Variants in PSD3 observed in about 807,000 individuals in gnomAD.
PSD3 encodes the protein PH and SEC7 domain-containing protein 3.
A neutral mutation model predicts 105.5 loss-of-function variants in PSD3; 49 were observed. The ratio of observed to expected loss-of-function variants is 0.46; its 90% CI spans 0.37 to 0.59. The LOEUF (loss-of-function observed/expected upper bound fraction) is 0.59, where lower values mean the gene tolerates loss of function less well. Among genes scored for constraint, PSD3 ranks in the 20% least tolerant of loss-of-function variants. The pLI, the probability that PSD3 is intolerant of heterozygous loss-of-function variation, is 0.00. For missense variants in PSD3, 1,561 were observed against 1,263.8 expected, an observed-to-expected ratio of 1.24 and a Z score of -3.57; for synonymous variants, 557 against 457.8, an observed-to-expected ratio of 1.22 and a Z score of -2.77.
intron 4 of PSD3, among the ~76,000 whole-genome samples, chr8:18,830,752 G>A (rs901354821): frequency 6.6e-6 from 1 of 152,170 alleles, no homozygotes; most frequent in Non-Finnish European, 1.5e-5. Flanking sequence ...TGGCTGCACT[G>A]CTCCCACTGC....
intron 1 of PSD3, among the ~76,000 whole-genome samples, chr8:19,020,566 G>T (rs1055845544): frequency 6.6e-6 from 1 of 152,070 alleles, no homozygotes. Context: ...ATTTTGAGCA[G>T]AGGGGTAGGA....
intron 15 of PSD3, among the ~76,000 whole-genome samples, chr8:18,542,033 G>A (rs1269793491): frequency 6.6e-6 from 1 of 152,110 alleles, no homozygotes; most frequent in Admixed American, 6.5e-5. Context: ...GATTACAGGG[G>A]CGAGCCACCT....
chr8:18,613,197 C>A (rs113110097), intron 11 of PSD3, among the ~76,000 whole-genome samples: 107 of 152,262 alleles, frequency 7.0e-4, no homozygotes, highest in Non-Finnish European at 1.4e-3. Flanking sequence ...ATGCCGCCTT[C>A]AAGCCTAAAA....
At chr8:18,731,522 T>C (rs977638122) in intron 9 of PSD3, among the ~76,000 whole-genome samples, 1 of 152,146 alleles carries the variant, frequency 6.6e-6, no homozygotes, top group African/African-American at 2.4e-5. Flanking sequence ...TAATCAACTG[T>C]TTAGGACAGC....
At chr8:18,827,584 T>C (rs974387741) in intron 4 of PSD3, among the ~76,000 whole-genome samples, 5 of 152,168 alleles carry the variant, frequency 3.3e-5, no homozygotes, top group African/African-American at 4.8e-5. Flanking sequence ...ATTTATAAAG[T>C]GCTTAAAGCA....
chr8:18,866,779 CTTTT>C (rs76054573), intron 4 of PSD3, among the ~76,000 whole-genome samples: 21 of 142,594 alleles, frequency 1.5e-4, no homozygotes, highest in African/African-American at 5.4e-4. Flanking sequence ...TTAATACTGG[CTTTT>C]TTTTTTTTTA....
At chr8:18,566,469 T>C (rs967295676) in intron 14 of PSD3, among the ~76,000 whole-genome samples, 4 of 148,574 alleles carry the variant, frequency 2.7e-5, no homozygotes, top group Non-Finnish European at 5.9e-5. Context: ...GGGATTGCAG[T>C]GAGCCGAGAT....
chr8:18,573,162 C>T (rs898816003), intron 13 of PSD3, among the ~76,000 whole-genome samples: 2 of 152,108 alleles, frequency 1.3e-5, no homozygotes, highest in African/African-American at 4.8e-5. Flanking sequence ...AAGTAACTAT[C>T]CAAGAGAAAT....
chr8:18,711,067 C>A (rs536489585), intron 9 of PSD3, among the ~76,000 whole-genome samples: 6 of 152,196 alleles, frequency 3.9e-5, no homozygotes, highest in African/African-American at 1.4e-4. Context: ...GAAATAAAAT[C>A]TTTTTCAGAC....
chr8:18,854,376 AGAGACCT>A (rs1421036666), intron 4 of PSD3: 5 of 152,440 alleles, frequency 3.3e-5, no homozygotes, highest in African/African-American at 9.7e-5. Flanking sequence ...CTTCCCTCCA[AGAGACCT>A]GCTTCAAAAG....
At chr8:19,039,933 G>A (rs151158031) in intron 1 of PSD3, among the ~76,000 whole-genome samples, 130 of 152,286 alleles carry the variant, frequency 8.5e-4, no homozygotes, top group South Asian at 1.9e-3. Context: ...AATAAGAACT[G>A]TGAAGAAAAA....
Position 18,832,688 on chromosome 8 carries a change from G to T in PSD3, c.1635-27790C>A, listed in dbSNP as rs999203968. 2.0e-4 allele frequency among the ~76,000 whole-genome samples: 31 copies of T among 152,348 alleles called. 1 individual carries two copies. Among genetic ancestry groups the T allele is most frequent in the South Asian group, 1.9e-3 (9 of 4,820 alleles). ...GCAATTTATAAAGGAAAGCCGTTTA[G>T]TGGGCTCACACTTCCACATGGCTGG... is the stretch of plus-strand genomic sequence containing the variant. On this transcript the variant is annotated intron_variant, in intron 4 of 15. Coordinates refer to ENST00000327040, the MANE Select transcript of PSD3 (RefSeq NM_015310.4).
rs1247072794 is a variant in PSD3, at chr8:18,529,780, G to A, written c.*5963C>T. 4 of 152,500 alleles carry A rather than the reference G, an allele frequency of 2.6e-5. No homozygotes were observed. The highest frequency in any genetic ancestry group is 4.4e-5 in the Non-Finnish European group (3 of 68,014). The allele number at this position is 152,500 out of a possible 1,614,324, so 9.4% of individuals were successfully genotyped here. A position where few individuals can be genotyped will look rare whatever the true frequency, so the allele number is the denominator to read the frequency against. On this transcript the variant is annotated 3_prime_UTR_variant, in exon 16 of 16. Transcript: ENST00000327040. Reference sequence around the variant, plus strand: ...AATGGTTAAGGCCCAAAAATGAAACGTTTTGCTTCTCCTACTCCTTTTCTA... The same window carrying A: ...AATGGTTAAGGCCCAAAAATGAAACATTTTGCTTCTCCTACTCCTTTTCTA...
chr8:18,929,136 G>A (rs1413238603), intron 2 of PSD3, among the ~76,000 whole-genome samples: 3 of 152,116 alleles, frequency 2.0e-5, no homozygotes, highest in African/African-American at 7.2e-5. Flanking sequence ...ATTTTTTAAA[G>A]TATTCAGCCT....
intron 4 of PSD3, among the ~76,000 whole-genome samples, chr8:18,836,595 G>C (rs943898446): frequency 8.5e-5 from 13 of 152,272 alleles, no homozygotes; most frequent in African/African-American, 3.1e-4. Flanking sequence ...ATCCATGAGG[G>C]ATTAGTTCCA....
rs1802410627 is a variant in PSD3, at chr8:18,713,926, A to G, written c.2172+51523T>C. Among the ~76,000 whole-genome samples the G allele has an allele frequency of 2.0e-5, 3 of 152,332 alleles. No homozygotes were observed. The South Asian group carries it at 6.2e-4, about 32-fold the overall frequency. On this transcript the variant is annotated intron_variant, in intron 9 of 15. Coordinates refer to ENST00000327040, the MANE Select transcript of PSD3 (RefSeq NM_015310.4). ...CAAAACAGTATGGTACTGGTACAAA[A>G]AACAGACACATAGACCAATGGAACA... is the stretch of plus-strand genomic sequence containing the variant.
At chr8:18,989,814 T>C (rs986155714) in intron 1 of PSD3, among the ~76,000 whole-genome samples, 2 of 152,332 alleles carry the variant, frequency 1.3e-5, no homozygotes, top group Admixed American at 1.3e-4. Flanking sequence ...GCTATTCTAA[T>C]GCCTCAGCAC....
intron 1 of PSD3, among the ~76,000 whole-genome samples, chr8:19,072,704 G>A (rs570024643): frequency 6.6e-6 from 1 of 152,306 alleles, no homozygotes; most frequent in East Asian, 1.9e-4. Flanking sequence ...GTGAGAGGCT[G>A]TTGAGCCAAA....
intron 14 of PSD3, among the ~76,000 whole-genome samples, chr8:18,571,772 T>C (rs1276915985): frequency 6.6e-6 from 1 of 152,220 alleles, no homozygotes; most frequent in Non-Finnish European, 1.5e-5. Context: ...TGGTCGATCA[T>C]AGTAAGATAA....
Sources: gnomAD v4.1 joint callset for allele counts (sites outside exome capture counted in the v4.1 genomes callset) on GRCh38, gnomAD v4.1.1 for gene constraint, MANE v1.5 for transcripts, NCBI Gene and HGNC (gene_info 2026-07-23, HGNC 2026-07-21) for gene names.